The following RBM33 variants were observed in gnomAD, a reference collection of about 807,000 sequenced individuals.
The protein encoded by RBM33 is RNA-binding protein 33.
RBM33 carries 28 observed loss-of-function variants against 132.6 expected under a neutral mutation model. That is an observed-to-expected ratio of 0.21 (90% CI 0.16 to 0.29). RBM33 has a LOEUF of 0.29. Ranked by LOEUF, RBM33 falls within the 10% of genes least tolerant of loss-of-function variation. The pLI is 1.00. For missense variants in RBM33, 1,291 were observed against 1,518.5 expected (o/e 0.85, Z 2.49); for synonymous variants, 634 against 593.0 (o/e 1.07, Z -1.01).
At chr7:155,723,404 G>T (rs1394432525) in intron 9 of RBM33, among the ~76,000 whole-genome samples, 2 of 152,190 alleles carry the variant, frequency 1.3e-5, no homozygotes, top group Non-Finnish European at 2.9e-5. Context: ...TATAGTAGGA[G>T]ACCCTTCCAG....
Position 155,644,805 on chromosome 7 carries a change from G to A in RBM33, c.-72G>A. The A allele has an allele frequency of 7.7e-7, 1 of 1,304,292 alleles. No homozygotes were observed. The highest frequency in any genetic ancestry group is 1.0e-6 in the Non-Finnish European group (1 of 987,664). 80.8% of individuals were successfully genotyped at this position (1,304,292 alleles called of 1,614,324 possible). On this transcript the variant is annotated 5_prime_UTR_variant, in exon 1 of 18. Transcript: ENST00000401878. ...CTCTGTCCTCCGTCACCCGTACCCG[G>A]GCCCGGACCAGGCACGTCGGCCCAC...
chr7:155,689,468 C>T (rs1044022038), intron 5 of RBM33, among the ~76,000 whole-genome samples: 12 of 152,132 alleles, frequency 7.9e-5, no homozygotes, highest in African/African-American at 1.9e-4. Context: ...GTATCTCTAT[C>T]TCCTTCAGTT....
At chr7:155,712,542 G>A (rs936015737) in intron 8 of RBM33, among the ~76,000 whole-genome samples, 29 of 152,220 alleles carry the variant, frequency 1.9e-4, no homozygotes, top group African/African-American at 6.5e-4. Context: ...TGAGCAGGAT[G>A]CGGGGAAGGG....
chr7:155,738,013 A>G, intron 10 of RBM33, 47 bp from the exon 11 acceptor site: 1 of 1,509,488 alleles, frequency 6.6e-7, no homozygotes, highest in Non-Finnish European at 9.1e-7. Flanking sequence ...TCTGAGAAGC[A>G]CATGGTCTTT....
rs547485976 is a variant in RBM33 at position 155,751,144 on chromosome 7, G to GT, written c.2979+5546dup. Reference sequence around the variant, plus strand: ...AGCTTGGGGAGGTGGGAAAGGGAATGTTTTAATATAATTTTAGTTTTAAGA... The same window carrying GT: ...AGCTTGGGGAGGTGGGAAAGGGAATGTTTTTAATATAATTTTAGTTTTAAGA... On this transcript the variant is annotated intron_variant, in intron 14 of 17. Coordinates refer to ENST00000401878, the MANE Select transcript of RBM33 (RefSeq NM_053043.3). Among the ~76,000 whole-genome samples the GT allele has an allele frequency of 1.4e-4, 21 of 152,240 alleles. No homozygotes were observed. The South Asian group carries it at 4.1e-3, about 30-fold the overall frequency.
intron 8 of RBM33, among the ~76,000 whole-genome samples, chr7:155,712,963 G>C (rs867505171): frequency 6.6e-6 from 1 of 152,230 alleles, no homozygotes; most frequent in African/African-American, 2.4e-5. Flanking sequence ...GTGGAAGCTG[G>C]TGTCTAGCTA....
At chr7:155,748,183 A>T (rs1361640644) in intron 14 of RBM33, among the ~76,000 whole-genome samples, 29 of 152,200 alleles carry the variant, frequency 1.9e-4, no homozygotes, top group Admixed American at 1.9e-3. Context: ...ACGATTACTT[A>T]CTTAATGAAA....
chr7:155,676,117 A>T (rs987118408), intron 3 of RBM33, among the ~76,000 whole-genome samples: 3 of 152,178 alleles, frequency 2.0e-5, no homozygotes, highest in Admixed American at 6.5e-5. Context: ...CACAATGATG[A>T]GCCTTTGCTT....
At chr7:155,713,380 A>G (rs1450362657) in intron 8 of RBM33, among the ~76,000 whole-genome samples, 1 of 151,754 alleles carries the variant, frequency 6.6e-6, no homozygotes, top group African/African-American at 2.4e-5. Context: ...GTGTGGGGAG[A>G]CCAAGGACTG....
intron 9 of RBM33, among the ~76,000 whole-genome samples, chr7:155,734,023 CCTT>C (rs1218116858): frequency 6.6e-6 from 1 of 152,244 alleles, no homozygotes; most frequent in East Asian, 1.9e-4. Context: ...CCTCGGGGCT[CCTT>C]CTCCGTGACC....
intron 9 of RBM33, among the ~76,000 whole-genome samples, chr7:155,723,814 A>G (rs1351762614): frequency 6.6e-6 from 1 of 152,190 alleles, no homozygotes; most frequent in African/African-American, 2.4e-5. Flanking sequence ...ACTGCTTTAT[A>G]AAGTATGTGA....
At chr7:155,698,723 G>C (rs1585453555) in intron 5 of RBM33, among the ~76,000 whole-genome samples, 1 of 152,172 alleles carries the variant, frequency 6.6e-6, no homozygotes, top group African/African-American at 2.4e-5. Context: ...CTGGTTACCA[G>C]TGTAATTTTG....
chr7:155,722,251 A>G (rs1207639039), intron 9 of RBM33, among the ~76,000 whole-genome samples: 1 of 152,162 alleles, frequency 6.6e-6, no homozygotes, highest in Non-Finnish European at 1.5e-5. Context: ...ACCCTGTTAC[A>G]TTTGGGCACT....
chr7:155,761,501 T>G (rs1347881002), intron 14 of RBM33, among the ~76,000 whole-genome samples: 1 of 152,244 alleles, frequency 6.6e-6, no homozygotes, highest in Non-Finnish European at 1.5e-5. Context: ...CTATTCGTAT[T>G]TTCTCTTTCG....
intron 13 of RBM33, among the ~76,000 whole-genome samples, chr7:155,743,366 C>T (rs1801412157): frequency 6.6e-6 from 1 of 152,194 alleles, no homozygotes; most frequent in African/African-American, 2.4e-5. Flanking sequence ...ACAGGGCTAC[C>T]TAATAGGGGA....
At chr7:155,692,073 T>G (rs1213051583) in intron 5 of RBM33, among the ~76,000 whole-genome samples, 1 of 151,790 alleles carries the variant, frequency 6.6e-6, no homozygotes, top group Non-Finnish European at 1.5e-5. Context: ...AAGAAAATTT[T>G]TTTTTTCTTT....
intron 9 of RBM33, among the ~76,000 whole-genome samples, chr7:155,720,769 T>C (rs1585485436): frequency 6.6e-6 from 1 of 152,210 alleles, no homozygotes; most frequent in Non-Finnish European, 1.5e-5. Flanking sequence ...TGGCTGGAGG[T>C]GCTGCAGGCT....
At chr7:155,766,382 A>C in intron 15 of RBM33, 85 bp from the exon 16 acceptor site, 1 of 1,414,534 alleles carries the variant, frequency 7.1e-7, no homozygotes, top group Non-Finnish European at 9.6e-7. Context: ...ATGGATTCTA[A>C]GTTATTTGTT....
At position 155,694,380 on chromosome 7, in the gene RBM33, A is replaced by G. The variant is rs117166027; in HGVS notation, c.568-6393A>G. 4.8e-3 allele frequency among the ~76,000 whole-genome samples: 724 copies of G among 152,342 alleles called. 5 individuals are homozygous for G. Among genetic ancestry groups the G allele is most frequent in the Middle Eastern group, 0.02 (6 of 294 alleles). On this transcript the variant is annotated intron_variant, in intron 5 of 17. Transcript: ENST00000401878. The stretch of plus-strand genomic sequence containing the variant: ...TTAAAAAGACTTGCCATTTTCACAT[A>G]GTTTTGGCATGTGTAGAGGAAGAAA...
Sources: allele counts gnomAD v4.1 joint callset (sites outside exome capture counted in the v4.1 genomes callset), GRCh38; gene constraint gnomAD v4.1.1; transcripts MANE v1.5; gene names NCBI Gene and HGNC (gene_info 2026-07-23, HGNC 2026-07-21).